Variants in CDH7 observed in about 807,000 individuals in gnomAD.
The protein encoded by CDH7 is cadherin-7.
In CDH7, 25 loss-of-function variants were observed where a neutral mutation model predicts 71.8. The observed-to-expected ratio is 0.35, with a 90% CI of 0.25 to 0.49. The LOEUF is 0.49. Among genes scored for constraint, CDH7 ranks in the 20% least tolerant of loss-of-function variants. The pLI is 0.99. For synonymous variants in CDH7, 381 were observed against 363.8 expected (o/e 1.05, Z -0.54); for missense variants, 862 against 974.6 (o/e 0.88, Z 1.54).
At chr18:65,786,641 A>T (rs556993902) in intron 2 of CDH7, among the ~76,000 whole-genome samples, 1 of 152,268 alleles carries the variant, frequency 6.6e-6, no homozygotes, top group East Asian at 1.9e-4. Flanking sequence ...TAACTCTCTG[A>T]GTCAGAGATA....
chr18:65,792,103 C>CTGA (rs1396819645), intron 2 of CDH7, among the ~76,000 whole-genome samples: 2 of 151,036 alleles, frequency 1.3e-5, no homozygotes, highest in African/African-American at 4.9e-5. Flanking sequence ...GCCCCTGAGG[C>CTGA]TGATATTCTC....
intron 11 of CDH7, among the ~76,000 whole-genome samples, chr18:65,864,889 T>TCAAA (rs1913705786): frequency 1.2e-5 from 1 of 85,960 alleles, no homozygotes; most frequent in Non-Finnish European, 2.2e-5. Flanking sequence ...AGACTCCATC[T>TCAAA]AAAAAAAAAA....
intron 11 of CDH7, chr18:65,863,359 A>C (rs536261042): frequency 5.9e-6 from 1 of 170,474 alleles, no homozygotes; most frequent in African/African-American, 2.4e-5. Context: ...TTGCTCACTA[A>C]GTAATACAAT....
At chr18:65,818,667 A>C (rs1911808044) in intron 4 of CDH7, among the ~76,000 whole-genome samples, 2 of 152,224 alleles carry the variant, frequency 1.3e-5, no homozygotes, top group African/African-American at 4.8e-5. Flanking sequence ...TGATTACATA[A>C]ATACCTATTC....
chr18:65,880,982 C>G lies in CDH7; in HGVS notation c.*88C>G, dbSNP rs774152752. 5 of 1,304,156 alleles carry G rather than the reference C, an allele frequency of 3.8e-6. No homozygotes were observed. The highest frequency in any genetic ancestry group is 5.2e-6 in the Non-Finnish European group (5 of 966,540). The allele number at this position is 1,304,156 out of a possible 1,614,324, so 80.8% of individuals were successfully genotyped here. ...AAATAAAATAATAAACCACTACATA[C>G]AGAAAACAAGAACTCCCCTTGCTGG... On this transcript the variant is annotated 3_prime_UTR_variant, in exon 12 of 12. Coordinates refer to ENST00000397968, the MANE Select transcript of CDH7 (RefSeq NM_004361.5).
chr18:65,755,310 GCTAC>G (rs1276000521), intron 1 of CDH7, among the ~76,000 whole-genome samples: 1 of 152,178 alleles, frequency 6.6e-6, no homozygotes, highest in African/African-American at 2.4e-5. Context: ...TAAAGCAAGG[GCTAC>G]CTTGGTTTTT....
At chr18:65,853,758 T>A (rs1246251602) in intron 7 of CDH7, among the ~76,000 whole-genome samples, 2 of 151,648 alleles carry the variant, frequency 1.3e-5, no homozygotes, top group African/African-American at 4.8e-5. Flanking sequence ...AGTTTCTTCC[T>A]CAATATTTAT....
chr18:65,872,837 G>A (rs1913967460), intron 11 of CDH7, among the ~76,000 whole-genome samples: 1 of 151,992 alleles, frequency 6.6e-6, no homozygotes, highest in Admixed American at 6.6e-5. Flanking sequence ...TGAGGCTGCA[G>A]TGAGCCATGA....
rs1916232972 is a variant in CDH7, at chr18:65,762,822, A to G, written c.-21A>G. 3 of 1,595,958 alleles carry G rather than the reference A, an allele frequency of 1.9e-6. No individual in the cohort carries two copies. The highest frequency in any genetic ancestry group is 1.4e-5 in the African/African-American group (1 of 73,856). ...TGTCAAGGTTTTTTTCTTACACAGG[A>G]AAAAGAAAGAAAAAAAAAAGATGAA... On this transcript the variant is annotated 5_prime_UTR_variant, in exon 2 of 12. Transcript: ENST00000397968.
At chr18:65,780,684 A>G (rs1347857992) in intron 2 of CDH7, among the ~76,000 whole-genome samples, 1 of 150,882 alleles carries the variant, frequency 6.6e-6, no homozygotes, top group African/African-American at 2.5e-5. Flanking sequence ...TGGTACCAGT[A>G]CCATGCTGTT....
chr18:65,859,007 CTA>C lies in CDH7; in HGVS notation c.1457_1458del (p.Tyr486Ter). On this transcript the variant is annotated frameshift_variant, in exon 9 of 12. Transcript: ENST00000397968. LOFTEE classifies it high-confidence loss of function. ...ATAACGCCCCTGAATTTGCCATGGA[CTA>C]TGAGACCACCGTCTGTGAAAATGCC... is the stretch of plus-strand genomic sequence containing the variant. ...NDNAPEFAMD[Y>X]ETTVCENAQP... is the part of the protein sequence containing the mutation. 6.2e-7 allele frequency: 1 copy of C among 1,613,496 alleles called. No individual in the cohort carries two copies.
intron 11 of CDH7, among the ~76,000 whole-genome samples, chr18:65,869,036 C>T (rs1250976001): frequency 6.6e-6 from 1 of 152,098 alleles, no homozygotes; most frequent in African/African-American, 2.4e-5. Context: ...AATTTTCCTA[C>T]ATTCTTGCCT....
At chr18:65,764,573 T>G (rs1472456956) in intron 2 of CDH7, among the ~76,000 whole-genome samples, 1 of 152,066 alleles carries the variant, frequency 6.6e-6, no homozygotes, top group Non-Finnish European at 1.5e-5. Context: ...ATTAGGAAAC[T>G]AGCTCTTAAT....
intron 7 of CDH7, among the ~76,000 whole-genome samples, chr18:65,847,157 A>G (rs78336469): frequency 6.6e-6 from 1 of 152,154 alleles, no homozygotes; most frequent in Non-Finnish European, 1.5e-5. Context: ...ATAATAAAAC[A>G]TATGTTAATG....
intron 6 of CDH7, among the ~76,000 whole-genome samples, chr18:65,835,851 A>G (rs146481086): frequency 6.6e-6 from 1 of 152,220 alleles, no homozygotes. Context: ...GAATATGTGA[A>G]CGTTTTACCT....
chr18:65,834,709 T>C (rs1317579290), intron 6 of CDH7, among the ~76,000 whole-genome samples: 1 of 152,182 alleles, frequency 6.6e-6, no homozygotes, highest in Non-Finnish European at 1.5e-5. Context: ...AGGCAAAGAT[T>C]AGAATAGTCA....
intron 2 of CDH7, among the ~76,000 whole-genome samples, chr18:65,766,116 A>G (rs908376458): frequency 6.6e-6 from 1 of 152,158 alleles, no homozygotes; most frequent in Non-Finnish European, 1.5e-5. Flanking sequence ...AGTTAATTAT[A>G]GGAATGTCTA....
At chr18:65,852,716 C>G (rs1280002907) in intron 7 of CDH7, among the ~76,000 whole-genome samples, 1 of 151,988 alleles carries the variant, frequency 6.6e-6, no homozygotes, top group African/African-American at 2.4e-5. Context: ...TATAGTTTTT[C>G]AGAGGGACAT....
At chr18:65,800,287 G>A (rs9957965) in intron 2 of CDH7, among the ~76,000 whole-genome samples, 3,677 of 152,092 alleles carry the variant, frequency 0.024, 133 homozygotes, top group African/African-American at 0.079. Context: ...CACCATGTTA[G>A]CCAGGATGGT....
Sources: gnomAD v4.1 joint callset for allele counts (sites outside exome capture counted in the v4.1 genomes callset) on GRCh38, gnomAD v4.1.1 for gene constraint, MANE v1.5 for transcripts, NCBI Gene and HGNC (gene_info 2026-07-23, HGNC 2026-07-21) for gene names.